The following SGMS1 variants were observed in gnomAD, a reference collection of about 807,000 sequenced individuals.
SGMS1 encodes phosphatidylcholine:ceramide cholinephosphotransferase 1.
A neutral mutation model predicts 46.2 loss-of-function variants in SGMS1; 13 were observed. The observed-to-expected ratio is 0.28, with a 90% confidence interval of 0.18 to 0.45. SGMS1 has a LOEUF of 0.45. Among genes scored for constraint, SGMS1 ranks in the 20% least tolerant of loss-of-function variants. The probability of loss-of-function intolerance (pLI) is 1.00; values close to 1 mark genes in which losing one functional copy is unlikely to be tolerated. For missense variants in SGMS1, 324 were observed against 519.9 expected, an observed-to-expected ratio of 0.62 and a Z score of 3.66; for synonymous variants, 203 against 187.8, an observed-to-expected ratio of 1.08 and a Z score of -0.66.
intron 5 of SGMS1, among the ~76,000 whole-genome samples, chr10:50,454,024 A>G (rs551145275): frequency 3.4e-4 from 50 of 147,934 alleles, no homozygotes; most frequent in African/African-American, 1.1e-3. Flanking sequence ...TATTCATACT[A>G]GACTTTCAAC....
chr10:50,589,611 A>G (rs922594645), intron 2 of SGMS1, among the ~76,000 whole-genome samples: 2 of 152,056 alleles, frequency 1.3e-5, no homozygotes, highest in South Asian at 4.1e-4. Context: ...CTGGGACCAC[A>G]GGTGTGCACC....
chr10:50,501,036 G>GT (rs1837657350), intron 3 of SGMS1, among the ~76,000 whole-genome samples: 1 of 152,184 alleles, frequency 6.6e-6, no homozygotes, highest in African/African-American at 2.4e-5. Context: ...CACATTATGA[G>GT]TATCTATCAA....
chr10:50,364,342 G>A lies in SGMS1; in HGVS notation c.-231-19997C>T, dbSNP rs182220627. Among the ~76,000 whole-genome samples the A allele has an allele frequency of 6.6e-3, 1,006 of 152,292 alleles. 16 individuals are homozygous for A. The highest frequency in any genetic ancestry group is 0.022 in the African/African-American group (913 of 41,566). On this transcript the variant is annotated intron_variant, in intron 6 of 10. Coordinates refer to ENST00000361781, the MANE Select transcript of SGMS1 (RefSeq NM_147156.4). ...CATCAAATGTCCAAAAACAATGGCT[G>A]AAAGTACACTTTCTGTTATTACCAT... is the stretch of plus-strand genomic sequence containing the variant.
Position 50,343,973 on chromosome 10 carries a change from G to C in SGMS1, c.142C>G (p.Pro48Ala), listed in dbSNP as rs149374128. Residue 48 changes from proline to alanine, a missense_variant, in exon 7 of 11, where the codon CCC becomes GCC. Physicochemically the swap from Pro to Ala is conservative, Grantham distance 27. Coordinates refer to ENST00000361781, the MANE Select transcript of SGMS1 (RefSeq NM_147156.4). ...TTGTCAGAGGAGACTCGGCACAAGG[G>C]GGGTTTTTTGAAATCCTCTTGGGTT... ...NLTQEDFKKP[P>A]LCRVSSDNGQ... 4.3e-6 allele frequency: 7 copies of C among 1,614,146 alleles called. No homozygotes were observed. Among genetic ancestry groups the C allele is most frequent in the Admixed American group, 1.7e-5 (1 of 60,030 alleles).
chr10:50,624,537 G>T, upstream of SGMS1: 1 of 959,614 alleles, frequency 1.0e-6, no homozygotes, highest in Non-Finnish European at 1.2e-6. Context: ...CGACGGAGGC[G>T]CAAGAGCTCT....
intron 7 of SGMS1, among the ~76,000 whole-genome samples, chr10:50,337,235 C>A (rs979633155): frequency 6.6e-6 from 1 of 152,120 alleles, no homozygotes; most frequent in Admixed American, 6.5e-5. Flanking sequence ...AATATAACCC[C>A]CATTCAACTG....
At chr10:50,618,443 CA>C (rs1337647332) in intron 1 of SGMS1, among the ~76,000 whole-genome samples, 4 of 151,848 alleles carry the variant, frequency 2.6e-5, no homozygotes, top group African/African-American at 7.3e-5. Flanking sequence ...TAGAATATAC[CA>C]AAAAAATCTT....
At chr10:50,344,420 A>C in intron 6 of SGMS1, 75 bp from the exon 7 acceptor site, 1 of 276,012 alleles carries the variant, frequency 3.6e-6, no homozygotes, top group Non-Finnish European at 6.8e-6. Context: ...CCTTATATAC[A>C]TAAGGAAAGT....
chr10:50,584,848 A>C (rs1032540246), intron 2 of SGMS1, among the ~76,000 whole-genome samples: 1 of 152,200 alleles, frequency 6.6e-6, no homozygotes, highest in Non-Finnish European at 1.5e-5. Flanking sequence ...TTCCTGAAAG[A>C]CCTCTCAGGC....
chr10:50,511,248 T>TACATACACAC, intron 3 of SGMS1, among the ~76,000 whole-genome samples: 1 of 141,790 alleles, frequency 7.1e-6, no homozygotes, highest in African/African-American at 2.6e-5. Flanking sequence ...CACTCATTCA[T>TACATACACAC]ACACACACAC....
chr10:50,624,310 ACT>A (rs928464214), upstream of SGMS1, among the ~76,000 whole-genome samples: 118 of 152,116 alleles, frequency 7.8e-4, no homozygotes, highest in African/African-American at 2.4e-3. Context: ...GGGAACGCAA[ACT>A]CAGCCTGCTG....
intron 1 of SGMS1, among the ~76,000 whole-genome samples, chr10:50,607,588 C>T (rs536014076): frequency 8.5e-5 from 13 of 152,246 alleles, no homozygotes; most frequent in Middle Eastern, 3.4e-3. Flanking sequence ...ACTTTTAGAG[C>T]CAAAGCTTAA....
chr10:50,503,558 C>T (rs1837679797), intron 3 of SGMS1, among the ~76,000 whole-genome samples: 1 of 152,200 alleles, frequency 6.6e-6, no homozygotes, highest in African/African-American at 2.4e-5. Flanking sequence ...CCTTTACCTA[C>T]CCACATCTTA....
At chr10:50,602,861 A>T (rs1177914070) in intron 1 of SGMS1, among the ~76,000 whole-genome samples, 1 of 152,218 alleles carries the variant, frequency 6.6e-6, no homozygotes, top group African/African-American at 2.4e-5. Flanking sequence ...TGTCAGACTA[A>T]CTTATTTCCA....
chr10:50,511,370 G>C (rs1254026242), intron 3 of SGMS1, among the ~76,000 whole-genome samples: 6 of 152,134 alleles, frequency 3.9e-5, no homozygotes, highest in African/African-American at 1.4e-4. Flanking sequence ...GAAGGTCCTT[G>C]TAAGCAAGCC....
intron 6 of SGMS1, among the ~76,000 whole-genome samples, chr10:50,363,582 A>G (rs1186521098): frequency 6.6e-6 from 1 of 152,208 alleles, no homozygotes; most frequent in Non-Finnish European, 1.5e-5. Flanking sequence ...GACATTAAAC[A>G]CAGTTGAAAG....
intron 6 of SGMS1, among the ~76,000 whole-genome samples, chr10:50,407,803 C>T (rs915593924): frequency 2.0e-5 from 3 of 151,984 alleles, no homozygotes; most frequent in Non-Finnish European, 4.4e-5. Flanking sequence ...TTTGTTTGGC[C>T]TAAAAGAGCC....
At chr10:50,376,607 A>G (rs1035767939) in intron 6 of SGMS1, among the ~76,000 whole-genome samples, 2 of 151,926 alleles carry the variant, frequency 1.3e-5, no homozygotes, top group African/African-American at 2.4e-5. Flanking sequence ...GATAGGCCCC[A>G]GTGTGTGATG....
chr10:50,439,334 T>C (rs1849513393), intron 5 of SGMS1, among the ~76,000 whole-genome samples: 2 of 152,146 alleles, frequency 1.3e-5, no homozygotes, highest in African/African-American at 4.8e-5. Flanking sequence ...CAGGCCATCT[T>C]TCCAAGCAGA....
Sources: gnomAD v4.1 joint callset for allele counts (sites outside exome capture counted in the v4.1 genomes callset) on GRCh38, gnomAD v4.1.1 for gene constraint, MANE v1.5 for transcripts, NCBI Gene and HGNC (gene_info 2026-07-23, HGNC 2026-07-21) for gene names.